PDE1A: variants seen among roughly 807,000 people sequenced by gnomAD.
PDE1A encodes dual specificity calcium/calmodulin-dependent 3',5'-cyclic nucleotide phosphodiesterase 1A.
Under a neutral mutation model 61.7 loss-of-function variants are expected in PDE1A, and 35 were observed. That is an observed-to-expected ratio of 0.57 (90% CI 0.43 to 0.75). The LOEUF (loss-of-function observed/expected upper bound fraction) is 0.75, where lower values mean the gene tolerates loss of function less well. PDE1A is among the 30% of genes least tolerant of loss of function. PDE1A has a pLI of 0.00. For synonymous variants in PDE1A, 232 were observed against 213.2 expected (o/e 1.09, Z -0.77); for missense variants, 597 against 630.6 (o/e 0.95, Z 0.57).
chr2:182,204,969 A>T lies in PDE1A; in HGVS notation c.902+971T>A, dbSNP rs139032352. 1.9e-4 allele frequency among the ~76,000 whole-genome samples: 29 copies of T among 152,300 alleles called. 1 individual carries two copies. The East Asian group carries it at 5.0e-3, about 26-fold the overall frequency. ...GAAAATTTGAAAAAGTGTTCACAGG[A>T]GATTTAGGCTTATTTTAAACTCTGA... is the stretch of plus-strand genomic sequence containing the variant. On this transcript the variant is annotated intron_variant, in intron 8 of 13. Coordinates refer to ENST00000351439, the Ensembl canonical transcript of PDE1A.
At chr2:182,391,257 GGGCCCTCCTTAGAA>G (rs1221078343) in intron 1 of PDE1A, among the ~76,000 whole-genome samples, 2 of 152,006 alleles carry the variant, frequency 1.3e-5, no homozygotes, top group Non-Finnish European at 2.9e-5. Flanking sequence ...ATATTGATAT[GGGCCCTCCTTAGAA>G]GGCCCTCCTT....
At chr2:182,659,093 C>T in the PDE1A span, among the ~76,000 whole-genome samples, 2 of 152,122 alleles carry the variant, frequency 1.3e-5, no homozygotes, top group East Asian at 1.9e-4. Flanking sequence ...TACCTGATAT[C>T]GACCCACTTA....
the PDE1A span, among the ~76,000 whole-genome samples, chr2:182,594,181 T>A: frequency 6.6e-6 from 1 of 152,234 alleles, no homozygotes; most frequent in Non-Finnish European, 1.5e-5. Flanking sequence ...AACCTAGTCC[T>A]AAATTTTTCA....
At chr2:182,332,409 A>G (rs1697475177) in intron 1 of PDE1A, among the ~76,000 whole-genome samples, 1 of 152,130 alleles carries the variant, frequency 6.6e-6, no homozygotes, top group African/African-American at 2.4e-5. Flanking sequence ...AAGGAGTTGT[A>G]ATCCTTTGGA....
intron 1 of PDE1A, among the ~76,000 whole-genome samples, chr2:182,343,873 CTTT>C (rs11300978): frequency 7.7e-5 from 10 of 129,746 alleles, no homozygotes; most frequent in Admixed American, 1.6e-4. Flanking sequence ...TTTTCTTTTT[CTTT>C]TTTTTTTTTT....
At chr2:182,311,788 A>G (rs1051747626) in intron 1 of PDE1A, among the ~76,000 whole-genome samples, 2 of 152,140 alleles carry the variant, frequency 1.3e-5, no homozygotes, top group South Asian at 4.1e-4. Flanking sequence ...TTGGATAAAT[A>G]CCTACGAATG....
chr2:182,484,964 T>A (rs1687924820), intron 2 of PDE1A, among the ~76,000 whole-genome samples: 1 of 152,038 alleles, frequency 6.6e-6, no homozygotes. Context: ...TGGCGATCCC[T>A]CCAAGAACTA....
intron 2 of PDE1A, among the ~76,000 whole-genome samples, chr2:182,471,813 T>C (rs1297491813): frequency 6.6e-6 from 1 of 151,630 alleles, no homozygotes; most frequent in African/African-American, 2.4e-5. Flanking sequence ...AAAGAGAAAA[T>C]ATTTCCAAAA....
At chr2:182,166,670 T>C (rs958289019), downstream of PDE1A, among the ~76,000 whole-genome samples, 18 of 152,214 alleles carry the variant, frequency 1.2e-4, no homozygotes, top group African/African-American at 4.3e-4. Flanking sequence ...TTCTCCCTAA[T>C]AAATTTCACT....
chr2:182,232,614 T>A (rs1456164806), intron 4 of PDE1A, among the ~76,000 whole-genome samples: 1 of 152,218 alleles, frequency 6.6e-6, no homozygotes, highest in African/African-American at 2.4e-5. Context: ...ATGTCGTTAT[T>A]AAATTCCTTG....
At chr2:182,529,482 G>A in the PDE1A span, among the ~76,000 whole-genome samples, 1 of 152,202 alleles carries the variant, frequency 6.6e-6, no homozygotes, top group Non-Finnish European at 1.5e-5. Context: ...GACTTGCCTT[G>A]TCTCAGATGA....
At chr2:182,692,877 TTA>T in the PDE1A span, among the ~76,000 whole-genome samples, 1 of 151,932 alleles carries the variant, frequency 6.6e-6, no homozygotes, top group Non-Finnish European at 1.5e-5. Context: ...GTATCTGTGA[TTA>T]TGTTTTACTT....
chr2:182,671,042 T>A, the PDE1A span, among the ~76,000 whole-genome samples: 1 of 152,050 alleles, frequency 6.6e-6, no homozygotes, highest in Admixed American at 6.6e-5. Context: ...GGTCTCAAAC[T>A]CCTGACCCCA....
intron 2 of PDE1A, among the ~76,000 whole-genome samples, chr2:182,253,567 C>T (rs1241963683): frequency 6.6e-6 from 1 of 152,154 alleles, no homozygotes; most frequent in Non-Finnish European, 1.5e-5. Context: ...ATGCAATTCT[C>T]ATTGGCCAGA....
At chr2:182,469,148 G>A (rs1040384650) in intron 2 of PDE1A, among the ~76,000 whole-genome samples, 10 of 152,038 alleles carry the variant, frequency 6.6e-5, no homozygotes, top group Middle Eastern at 6.8e-3. Context: ...GGCTTTTGAA[G>A]CTTTGAAGTC....
At chr2:182,540,388 AGCAGCAGC>A in the PDE1A span, among the ~76,000 whole-genome samples, 12 of 42,374 alleles carry the variant, frequency 2.8e-4, no homozygotes, top group South Asian at 2.8e-3. Flanking sequence ...AAAAAAAAGC[AGCAGCAGC>A]AGCAGCAGCA....
At chr2:182,301,129 C>T (rs938470734) in intron 1 of PDE1A, among the ~76,000 whole-genome samples, 1 of 152,096 alleles carries the variant, frequency 6.6e-6, no homozygotes. Context: ...ATGATATCTC[C>T]TTGAACTAAA....
intron 1 of PDE1A, among the ~76,000 whole-genome samples, chr2:182,305,120 T>A (rs1695493238): frequency 1.3e-5 from 2 of 152,180 alleles, no homozygotes; most frequent in African/African-American, 4.8e-5. Flanking sequence ...AACACATTAT[T>A]GGCTTTCTTC....
intron 10 of PDE1A, among the ~76,000 whole-genome samples, chr2:182,192,921 T>C (rs1193293409): frequency 6.6e-6 from 1 of 152,072 alleles, no homozygotes; most frequent in Admixed American, 6.6e-5. Flanking sequence ...CAGCACCTTT[T>C]TGTTGTTGTT....
Sources: gnomAD v4.1 joint callset for allele counts (sites outside exome capture counted in the v4.1 genomes callset) on GRCh38, gnomAD v4.1.1 for gene constraint, MANE v1.5 for transcripts, NCBI Gene and HGNC (gene_info 2026-07-23, HGNC 2026-07-21) for gene names.